The following OR5P3 variants were observed in gnomAD, a reference collection of about 807,000 sequenced individuals.
OR5P3 encodes the protein olfactory receptor 5P3.
For missense variants in OR5P3, 415 were observed against 375.6 expected, an observed-to-expected ratio of 1.10 and a Z score of -0.87; for synonymous variants, 172 against 141.8, an observed-to-expected ratio of 1.21 and a Z score of -1.51.
chr11:7,829,168 G>T (rs189178242), intron 1 of OR5P3, among the ~76,000 whole-genome samples: 114 of 152,272 alleles, frequency 7.5e-4, no homozygotes, highest in African/African-American at 2.6e-3. Flanking sequence ...TGGGATTACA[G>T]CATAGAAAGA....
At chr11:7,829,174 A>T (rs1857780256) in intron 1 of OR5P3, among the ~76,000 whole-genome samples, 1 of 152,222 alleles carries the variant, frequency 6.6e-6, no homozygotes, top group South Asian at 2.1e-4. Context: ...TACAGCATAG[A>T]AAGACCAATA....
chr11:7,827,545 A>C (rs1589932306), intron 1 of OR5P3, among the ~76,000 whole-genome samples: 1 of 152,198 alleles, frequency 6.6e-6, no homozygotes, highest in African/African-American at 2.4e-5. Context: ...AGAGAGTAAA[A>C]TAACCACTAC....
Position 7,826,009 on chromosome 11 carries a change from A to G in OR5P3, c.-21-16T>C, listed in dbSNP as rs1857737500. ...ATGGTGCCAACTGAAAGAAAAACAA[A>G]TGAATATTATAATGGGATTAAATGC... On this transcript the variant is annotated splice_polypyrimidine_tract_variant and intron_variant, in intron 1 of 1. Transcript: ENST00000641167. The G allele has an allele frequency of 9.1e-7, 1 of 1,102,178 alleles. No individual in the cohort carries two copies. Among genetic ancestry groups the G allele is most frequent in the Non-Finnish European group, 1.3e-6 (1 of 762,828 alleles). The allele number at this position is 1,102,178 out of a possible 1,614,324, so 68.3% of individuals were successfully genotyped here. A position where few individuals can be genotyped will look rare whatever the true frequency, so the allele number is the denominator to read the frequency against.
rs764580726 is a variant in OR5P3 at position 7,825,736 on chromosome 11, A to G, written c.237T>C (p.Pro79=). 6 of 1,613,158 alleles carry G rather than the reference A, an allele frequency of 3.7e-6. No individual in the cohort carries two copies. Among genetic ancestry groups the G allele is most frequent in the Non-Finnish European group, 5.1e-6 (6 of 1,180,038 alleles). The change falls in exon 2 of 2, where the codon CCT becomes CCC. Residue 79 remains proline, a synonymous_variant. Coordinates refer to ENST00000641167, the MANE Select transcript of OR5P3 (RefSeq NM_153445.2). ...VDIGYSSSVT[P]VMLMSFLRKE... is the part of the protein sequence containing the mutation. ...TCCTTAGGAAGCTCATGAGCATGAC[A>G]GGTGTGACTGATGAGGAGTACCCAA...
At position 7,826,011 on chromosome 11, in the gene OR5P3, G is replaced by T; in HGVS notation, c.-21-18C>A. On this transcript the variant is annotated intron_variant, in intron 1 of 1. Coordinates refer to ENST00000641167, the MANE Select transcript of OR5P3 (RefSeq NM_153445.2). ...GGTGCCAACTGAAAGAAAAACAAAT[G>T]AATATTATAATGGGATTAAATGCTA... 9.1e-7 allele frequency: 1 copy of T among 1,094,026 alleles called. No individual in the cohort carries two copies. Among genetic ancestry groups the T allele is most frequent in the Non-Finnish European group, 1.3e-6 (1 of 756,622 alleles). The allele number at this position is 1,094,026 out of a possible 1,614,324, so 67.8% of individuals were successfully genotyped here. A position where few individuals can be genotyped will look rare whatever the true frequency, so the allele number is the denominator to read the frequency against.
Position 7,825,272 on chromosome 11 carries a change from C to A in OR5P3, c.701G>T (p.Arg234Leu), listed in dbSNP as rs771019044. ...TILKMHSTKG[R>L]HKAFSTCTSH... ...GGTGCAGGTGGAGAAGGCCTTGTGG[C>A]GGCCCTTGGTGGAGTGCATCTTCAG... Residue 234 changes from arginine to leucine, a missense_variant, in exon 2 of 2, where the codon CGC becomes CTC. By Grantham distance (102) the Arg-to-Leu change is moderately radical. Coordinates refer to ENST00000641167, the MANE Select transcript of OR5P3 (RefSeq NM_153445.2). The A allele has an allele frequency of 6.2e-7, 1 of 1,612,978 alleles. No homozygotes were observed. Among genetic ancestry groups the A allele is most frequent in the East Asian group, 2.2e-5 (1 of 44,868 alleles).
chr11:7,830,646 A>G (rs1301111904), intron 1 of OR5P3, among the ~76,000 whole-genome samples, 178 bp downstream of exon 1: 1 of 152,214 alleles, frequency 6.6e-6, no homozygotes, highest in Non-Finnish European at 1.5e-5. Flanking sequence ...GTTTAAAAAA[A>G]TACTTCACAT....
intron 1 of OR5P3, among the ~76,000 whole-genome samples, chr11:7,828,856 C>T (rs1407849575): frequency 6.6e-6 from 1 of 152,064 alleles, no homozygotes; most frequent in Non-Finnish European, 1.5e-5. Flanking sequence ...TCATCTCTAC[C>T]TATGCTGTTA....
At position 7,825,639 on chromosome 11, in the gene OR5P3, A is replaced by T. The variant is rs1297722902; in HGVS notation, c.334T>A (p.Cys112Ser). ...CSVVTFGTAE[C>S]FLLAAMAYDR... The stretch of plus-strand genomic sequence containing the variant: ...TAGGCCATGGCAGCCAGCAGGAAGC[A>T]CTCGGCCGTACCAAACGTCACTACA... The change falls in exon 2 of 2, where the codon TGC (cysteine) becomes AGC (serine). Residue 112 changes from cysteine to serine, a missense_variant. Coordinates refer to ENST00000641167, the MANE Select transcript of OR5P3 (RefSeq NM_153445.2). The T allele has an allele frequency of 6.2e-7, 1 of 1,613,088 alleles. No homozygotes were observed. Among genetic ancestry groups the T allele is most frequent in the Non-Finnish European group, 8.5e-7 (1 of 1,180,000 alleles).
chr11:7,826,133 T>A lies in OR5P3; in HGVS notation c.-21-140A>T, dbSNP rs1857738962. 3 of 567,348 alleles carry A rather than the reference T, an allele frequency of 5.3e-6. No homozygotes were observed. The South Asian group carries it at 7.7e-5, about 15-fold the overall frequency. 35.1% of individuals were successfully genotyped at this position (567,348 alleles called of 1,614,324 possible). A position where few individuals can be genotyped will look rare whatever the true frequency, so the allele number is the denominator to read the frequency against. ...GGGAAGAAAATGCTTTCACACACAG[T>A]ATCTTATGTAAGACTTTAAAACATA... is the stretch of plus-strand genomic sequence containing the variant. On this transcript the variant is annotated intron_variant, in intron 1 of 1. Transcript: ENST00000641167.
In OR5P3 at chr11:7,825,594, A is replaced by C; in HGVS notation, c.379T>G (p.Cys127Gly). 6.2e-7 allele frequency: 1 copy of C among 1,613,192 alleles called. No homozygotes were observed. Among genetic ancestry groups the C allele is most frequent in the Non-Finnish European group, 8.5e-7 (1 of 1,180,024 alleles). ...CAGGTAGAGTAGAGCAGGGGTGAGCAGATGGCCACATAGCGATCATAGGCC... is the reference window on the plus strand; with the variant it reads ...CAGGTAGAGTAGAGCAGGGGTGAGCCGATGGCCACATAGCGATCATAGGCC... ...AMAYDRYVAI[C>G]SPLLYSTCMS... Residue 127 changes from cysteine (C) to glycine (G), a missense_variant, in exon 2 of 2, where the codon TGC becomes GGC. Physicochemically the swap from Cys to Gly is radical, Grantham distance 159 (BLOSUM62 -3). Coordinates refer to ENST00000641167, the MANE Select transcript of OR5P3 (RefSeq NM_153445.2).
chr11:7,826,243 T>G (rs1038534054), intron 1 of OR5P3, among the ~76,000 whole-genome samples: 1 of 151,966 alleles, frequency 6.6e-6, no homozygotes, highest in African/African-American at 2.4e-5. Flanking sequence ...ATTGGATGGT[T>G]AATTTAGGTG....
intron 1 of OR5P3, among the ~76,000 whole-genome samples, chr11:7,828,602 A>G (rs1410917883): frequency 6.6e-6 from 1 of 152,188 alleles, no homozygotes; most frequent in Non-Finnish European, 1.5e-5. Context: ...AGGCAATCCC[A>G]GTATCTCACC....
intron 1 of OR5P3, among the ~76,000 whole-genome samples, chr11:7,826,676 A>T (rs146195174): frequency 6.6e-6 from 1 of 152,316 alleles, no homozygotes; most frequent in Non-Finnish European, 1.5e-5. Context: ...GAGATGAGAT[A>T]TCTCCTAATT....
At chr11:7,828,388 T>C (rs577363865) in intron 1 of OR5P3, among the ~76,000 whole-genome samples, 24 of 152,284 alleles carry the variant, frequency 1.6e-4, no homozygotes, top group South Asian at 4.1e-4. Flanking sequence ...ATAACCTTTC[T>C]TAGCTCCAGC....
chr11:7,830,543 T>C (rs1033451795), intron 1 of OR5P3, among the ~76,000 whole-genome samples: 1 of 152,186 alleles, frequency 6.6e-6, no homozygotes, highest in African/African-American at 2.4e-5. Context: ...TTTGGAGACA[T>C]ACGGCCCTGG....
Position 7,825,325 on chromosome 11 carries a change from T to G in OR5P3, c.648A>C (p.Ile216=), listed in dbSNP as rs374173943. Residue 216 remains isoleucine (I), a synonymous_variant, in exon 2 of 2, where the codon ATA becomes ATC. Transcript: ENST00000641167. ...IIVATVCVIA[I]SYIYILITIL... ...TGGTGATGAGGATATAGATGTAGGA[T>G]ATGGCTATGACACACACAGTGGCCA... 1 of 1,613,124 alleles carries G rather than the reference T, an allele frequency of 6.2e-7. No individual in the cohort carries two copies. Among genetic ancestry groups the G allele is most frequent in the Non-Finnish European group, 8.5e-7 (1 of 1,180,038 alleles).
chr11:7,827,383 T>C (rs1477330972), intron 1 of OR5P3, among the ~76,000 whole-genome samples: 1 of 152,202 alleles, frequency 6.6e-6, no homozygotes, highest in African/African-American at 2.4e-5. Flanking sequence ...GATAGTCTCC[T>C]TCAGTGCCCA....
Position 7,825,097 on chromosome 11 carries a change from G to A in OR5P3, c.876C>T (p.Leu292=). 6 of 1,614,010 alleles carry A rather than the reference G, an allele frequency of 3.7e-6. No individual in the cohort carries two copies. Among genetic ancestry groups the A allele is most frequent in the Non-Finnish European group, 5.1e-6 (6 of 1,180,014 alleles). Residue 292 remains leucine (L), a synonymous_variant, in exon 2 of 2, where the codon CTC becomes CTT. Transcript: ENST00000641167. The part of the protein sequence containing the change: ...IPMLNPLIYS[L]RNKEIKGALK... The stretch of plus-strand genomic sequence containing the variant: ...GAGCCCCCTTAATCTCCTTGTTCCT[G>A]AGGCTGTAGATCAGGGGGTTCAACA...
Sources: allele counts gnomAD v4.1 joint callset (sites outside exome capture counted in the v4.1 genomes callset), GRCh38; gene constraint gnomAD v4.1.1; transcripts MANE v1.5; gene names NCBI Gene and HGNC (gene_info 2026-07-23, HGNC 2026-07-21).